Variants in ADGRL3 observed in about 807,000 individuals in gnomAD.
The protein encoded by ADGRL3 is adhesion G protein-coupled receptor L3, also known as calcium-independent alpha-latrotoxin receptor 3.
In ADGRL3, 62 loss-of-function variants were observed where a neutral mutation model predicts 153.5. The ratio of observed to expected loss-of-function variants is 0.40; its 90% CI spans 0.33 to 0.50. The LOEUF is 0.50. Ranked by LOEUF, ADGRL3 falls within the 20% of genes least tolerant of loss-of-function variation. The pLI is 0.47. For synonymous variants in ADGRL3, 710 were observed against 672.5 expected, an observed-to-expected ratio of 1.06 and a Z score of -0.86; for missense variants, 1,641 against 1,859.4, an observed-to-expected ratio of 0.88 and a Z score of 2.16.
At chr4:61,430,360 G>A (rs1338326193) in intron 2 of ADGRL3, among the ~76,000 whole-genome samples, 1 of 152,060 alleles carries the variant, frequency 6.6e-6, no homozygotes, top group African/African-American at 2.4e-5. Context: ...GTTCTTTTCT[G>A]TTTGTTTGCA....
At chr4:61,717,081 A>G (rs2096131152) in intron 6 of ADGRL3, among the ~76,000 whole-genome samples, 2 of 152,130 alleles carry the variant, frequency 1.3e-5, no homozygotes, top group Admixed American at 6.6e-5. Context: ...GTTTGTGGTT[A>G]GTAAATATAC....
intron 6 of ADGRL3, among the ~76,000 whole-genome samples, chr4:61,713,193 C>T (rs2096034067): frequency 6.6e-6 from 1 of 151,878 alleles, no homozygotes; most frequent in Non-Finnish European, 1.5e-5. Flanking sequence ...TTAATTATAC[C>T]AGTAAGTAAT....
intron 8 of ADGRL3, among the ~76,000 whole-genome samples, chr4:61,809,574 A>G (rs1442031318): frequency 6.6e-6 from 1 of 152,112 alleles, no homozygotes; most frequent in Non-Finnish European, 1.5e-5. Flanking sequence ...TGAGCACCCT[A>G]TTTAAAATTG....
chr4:61,877,785 C>CT (rs2098484157), intron 9 of ADGRL3, among the ~76,000 whole-genome samples: 3 of 152,114 alleles, frequency 2.0e-5, no homozygotes, highest in African/African-American at 7.2e-5. Context: ...CCACCCAAAT[C>CT]TTATCTCAAA....
intron 8 of ADGRL3, among the ~76,000 whole-genome samples, chr4:61,810,424 T>A (rs1186036897): frequency 6.6e-6 from 1 of 152,186 alleles, no homozygotes; most frequent in African/African-American, 2.4e-5. Context: ...AGCTATCAAA[T>A]GTCTTTCTCC....
At chr4:61,460,366 A>G (rs1453906096) in intron 2 of ADGRL3, among the ~76,000 whole-genome samples, 1 of 152,156 alleles carries the variant, frequency 6.6e-6, no homozygotes, top group Non-Finnish European at 1.5e-5. Flanking sequence ...CTATTCAGCC[A>G]TAAAAGGGAA....
chr4:61,386,588 T>C (rs2342717), intron 2 of ADGRL3, among the ~76,000 whole-genome samples: 119,401 of 152,106 alleles, frequency 0.78, 47,179 homozygotes, highest in Middle Eastern at 0.89. Context: ...TTAGAAGCCT[T>C]ATTGGAGATT....
intron 9 of ADGRL3, among the ~76,000 whole-genome samples, chr4:61,868,023 A>C (rs977008309): frequency 3.3e-5 from 5 of 152,070 alleles, no homozygotes; most frequent in African/African-American, 1.2e-4. Flanking sequence ...ATCCTGTTTT[A>C]ATATTAGTTA....
chr4:62,007,455 TAC>T (rs1199042783), intron 21 of ADGRL3, among the ~76,000 whole-genome samples: 1 of 131,644 alleles, frequency 7.6e-6, no homozygotes, highest in East Asian at 2.1e-4. Context: ...CACATATATA[TAC>T]ATATATGTGT....
At chr4:61,362,941 T>C (rs1429031529) in intron 1 of ADGRL3, among the ~76,000 whole-genome samples, 3 of 152,188 alleles carry the variant, frequency 2.0e-5, no homozygotes, top group Non-Finnish European at 4.4e-5. Context: ...AAGCTTTGTA[T>C]AGCCATTTAC....
chr4:61,898,894 G>A (rs1424984089), intron 11 of ADGRL3, among the ~76,000 whole-genome samples: 1 of 152,108 alleles, frequency 6.6e-6, no homozygotes, highest in Non-Finnish European at 1.5e-5. Context: ...TAGGATTACA[G>A]GAGTGAGCCA....
chr4:61,702,437 G>A (rs1350044740), intron 6 of ADGRL3, among the ~76,000 whole-genome samples: 1 of 152,084 alleles, frequency 6.6e-6, no homozygotes, highest in Non-Finnish European at 1.5e-5. Context: ...ATCTTTTTAA[G>A]GCTGTTTTAT....
At chr4:61,518,754 G>A (rs933334460) in intron 4 of ADGRL3, among the ~76,000 whole-genome samples, 1 of 152,266 alleles carries the variant, frequency 6.6e-6, no homozygotes, top group East Asian at 1.9e-4. Flanking sequence ...GGTGGGCGAG[G>A]CCATGCAATA....
At chr4:61,794,834 G>C (rs1468606079) in intron 8 of ADGRL3, among the ~76,000 whole-genome samples, 2 of 152,166 alleles carry the variant, frequency 1.3e-5, no homozygotes, top group African/African-American at 4.8e-5. Context: ...TTTCTCTCAT[G>C]TTTGCTTGTG....
chr4:61,529,475 C>T lies in ADGRL3; in HGVS notation c.259+11957C>T, dbSNP rs1467258684. ...TCCTTAATAGTGTCTTCTTTCACTC[C>T]CAAAGTGTCCTGATTTGGGTGATAA... is the stretch of plus-strand genomic sequence containing the variant. On this transcript the variant is annotated intron_variant, in intron 4 of 26. Coordinates refer to ENST00000683033, the MANE Select transcript of ADGRL3 (RefSeq NM_001387552.1). 2.0e-5 allele frequency among the ~76,000 whole-genome samples: 3 copies of T among 152,112 alleles called. No individual in the cohort carries two copies. The East Asian group carries it at 5.8e-4, about 29-fold the overall frequency.
At chr4:61,788,532 C>T (rs1042067765) in intron 8 of ADGRL3, among the ~76,000 whole-genome samples, 2 of 152,144 alleles carry the variant, frequency 1.3e-5, no homozygotes, top group Non-Finnish European at 2.9e-5. Flanking sequence ...AGAATCTGAA[C>T]AGCAGCCCTT....
intron 4 of ADGRL3, among the ~76,000 whole-genome samples, chr4:61,524,397 A>G (rs1484970093): frequency 1.3e-5 from 2 of 152,108 alleles, no homozygotes; most frequent in African/African-American, 2.4e-5. Flanking sequence ...TCTTTCTTTC[A>G]TATATACAAT....
intron 21 of ADGRL3, among the ~76,000 whole-genome samples, chr4:62,010,819 A>G (rs1466538837): frequency 3.9e-5 from 6 of 152,130 alleles, no homozygotes; most frequent in African/African-American, 1.2e-4. Flanking sequence ...GAAAGAATCC[A>G]GTTATGATTC....
intron 1 of ADGRL3, chr4:61,212,169 A>AAAC (rs1332932799): frequency 6.6e-6 from 1 of 152,238 alleles, no homozygotes; most frequent in Admixed American, 6.5e-5. Context: ...ATGCCAGAAG[A>AAAC]AACTGAAGAA....
Sources: allele counts gnomAD v4.1 joint callset (sites outside exome capture counted in the v4.1 genomes callset), GRCh38; gene constraint gnomAD v4.1.1; transcripts MANE v1.5; gene names NCBI Gene and HGNC (gene_info 2026-07-23, HGNC 2026-07-21).